PCDHA6: variants seen among roughly 807,000 people sequenced by gnomAD.
PCDHA6 encodes protocadherin alpha 6.
Under a neutral mutation model 60.3 loss-of-function variants are expected in PCDHA6, and 55 were observed. The observed-to-expected ratio is 0.91, with a 90% CI of 0.73 to 1.14. The LOEUF (loss-of-function observed/expected upper bound fraction) is 1.14, where lower values mean the gene tolerates loss of function less well. Ranked by LOEUF, PCDHA6 falls within the 50% of genes most tolerant of loss-of-function variation. PCDHA6 has a pLI of 0.00. For missense variants in PCDHA6, 1,327 were observed against 1,256.5 expected (o/e 1.06, Z -0.85); for synonymous variants, 652 against 557.9 (o/e 1.17, Z -2.38).
intron 1 of PCDHA6, chr5:140,969,232 C>A (rs138367129): frequency 1.9e-4 from 314 of 1,614,066 alleles, no homozygotes; most frequent in Non-Finnish European, 2.5e-4. Flanking sequence ...CTTCGGGAGC[C>A]CAAGCAGCAG....
chr5:140,856,981 C>T lies in PCDHA6; in HGVS notation c.2394+26496C>T, dbSNP rs1554149362. 1.2e-5 allele frequency: 19 copies of T among 1,594,810 alleles called. 1 individual carries two copies. Among genetic ancestry groups the T allele is most frequent in the Non-Finnish European group, 1.5e-5 (18 of 1,164,604 alleles). Reference sequence around the variant, plus strand: ...TAAATGATGCTATTGACTTTGAGGACAGTAACACTTATGAAATTCATGTAG... The same window carrying T: ...TAAATGATGCTATTGACTTTGAGGATAGTAACACTTATGAAATTCATGTAG... On this transcript the variant is annotated intron_variant, in intron 1 of 3. Transcript: ENST00000529310.
At chr5:140,966,463 TC>T in intron 1 of PCDHA6, 1 of 429,360 alleles carries the variant, frequency 2.3e-6, no homozygotes, top group Non-Finnish European at 4.0e-6. Flanking sequence ...CCCTCTGTCT[TC>T]CCTTCTGTTT....
At chr5:140,911,663 T>G (rs2075591717) in intron 1 of PCDHA6, among the ~76,000 whole-genome samples, 1 of 152,206 alleles carries the variant, frequency 6.6e-6, no homozygotes, top group Non-Finnish European at 1.5e-5. Context: ...CTAAACTCCT[T>G]GCCTCTCACG....
rs2150360894 is a variant in PCDHA6, at chr5:140,843,474, A to G, written c.2394+12989A>G. 2.5e-6 allele frequency: 4 copies of G among 1,595,796 alleles called. No homozygotes were observed. The East Asian group carries it at 6.7e-5, about 27-fold the overall frequency. ...CTGCTGGTGCTCACGCTGCTGCTGTACACTGCGCTGCGGTGCTCAGCACTG... is the reference window on the plus strand; with the variant it reads ...CTGCTGGTGCTCACGCTGCTGCTGTGCACTGCGCTGCGGTGCTCAGCACTG... On this transcript the variant is annotated intron_variant, in intron 1 of 3. Transcript: ENST00000529310.
chr5:140,855,841 TA>T, intron 1 of PCDHA6: 2 of 638,220 alleles, frequency 3.1e-6, no homozygotes, highest in Non-Finnish European at 2.6e-6. Context: ...TACTTACACC[TA>T]AAGCCACCGG....
chr5:140,868,899 C>T (rs2050726190), intron 1 of PCDHA6: 5 of 804,894 alleles, frequency 6.2e-6, no homozygotes, highest in Admixed American at 3.0e-5. Flanking sequence ...CGCAAGGTGT[C>T]GCTCTTTACT....
chr5:140,831,652 T>A (rs2150196590), intron 1 of PCDHA6, among the ~76,000 whole-genome samples: 1 of 151,500 alleles, frequency 6.6e-6, no homozygotes, highest in Non-Finnish European at 1.5e-5. Flanking sequence ...TGTGAGCCAC[T>A]ATGCTTGGCT....
chr5:140,838,447 G>A (rs2150289486), intron 1 of PCDHA6, among the ~76,000 whole-genome samples: 2 of 151,510 alleles, frequency 1.3e-5, no homozygotes, highest in South Asian at 4.2e-4. Flanking sequence ...GGGTTTTGTG[G>A]CATATTATTT....
chr5:140,882,451 G>T (rs2059142751), intron 1 of PCDHA6: 4 of 1,613,922 alleles, frequency 2.5e-6, no homozygotes, highest in African/African-American at 1.3e-5. Flanking sequence ...AGCTGGTGCC[G>T]CGCCTGTTCC....
chr5:140,833,851 C>G (rs148977790), intron 1 of PCDHA6, among the ~76,000 whole-genome samples: 4 of 152,118 alleles, frequency 2.6e-5, no homozygotes, highest in Admixed American at 2.6e-4. Flanking sequence ...TCTTAACAAG[C>G]GATACTGAAT....
At chr5:140,839,133 T>C (rs1776048029) in intron 1 of PCDHA6, among the ~76,000 whole-genome samples, 1 of 149,316 alleles carries the variant, frequency 6.7e-6, no homozygotes, top group Non-Finnish European at 1.5e-5. Context: ...GTCATTCACA[T>C]AAGCAGACCA....
intron 1 of PCDHA6, chr5:140,853,906 C>G: frequency 1.0e-6 from 1 of 955,174 alleles, no homozygotes; most frequent in Non-Finnish European, 1.3e-6. Flanking sequence ...GGTGGCCTGA[C>G]ACCTGCAATC....
intron 1 of PCDHA6, chr5:140,834,198 C>T (rs1449732320): frequency 8.4e-6 from 5 of 594,740 alleles, no homozygotes; most frequent in African/African-American, 3.7e-5. Flanking sequence ...CGCTCTTTAC[C>T]GCAAATTCTT....
chr5:140,834,926 C>T (rs2150229096), intron 1 of PCDHA6: 1 of 1,582,826 alleles, frequency 6.3e-7, no homozygotes, highest in African/African-American at 1.4e-5. Context: ...TCTTCCTGGA[C>T]GTGCCAACCA....
intron 1 of PCDHA6, chr5:140,836,379 C>T (rs2150259226): frequency 6.2e-7 from 1 of 1,613,734 alleles, no homozygotes; most frequent in Non-Finnish European, 8.5e-7. Context: ...AGCCACCGTG[C>T]TGGTGTCGCT....
intron 1 of PCDHA6, among the ~76,000 whole-genome samples, chr5:140,944,929 CT>C (rs2093712661): frequency 6.6e-6 from 1 of 152,052 alleles, no homozygotes; most frequent in Admixed American, 6.6e-5. Context: ...TGGTTTATGC[CT>C]TCTTTAGATG....
intron 3 of PCDHA6, among the ~76,000 whole-genome samples, chr5:141,000,395 C>CTATA (rs1190667031): frequency 1.7e-4 from 9 of 53,980 alleles, no homozygotes; most frequent in Admixed American, 6.3e-4. Flanking sequence ...CTCTCTCTCT[C>CTATA]TATATATATA....
chr5:140,971,843 G>T (rs1250084892), intron 1 of PCDHA6, among the ~76,000 whole-genome samples: 2 of 151,906 alleles, frequency 1.3e-5, no homozygotes, highest in Non-Finnish European at 2.9e-5. Flanking sequence ...TGCAAGTCAT[G>T]CGTTAAATAT....
chr5:140,834,721 C>T (rs2150224932), intron 1 of PCDHA6: 2 of 1,614,104 alleles, frequency 1.2e-6, no homozygotes, highest in African/African-American at 2.7e-5. Flanking sequence ...GTGGAAAGGC[C>T]GCTGCAGGTT....
Sources: gnomAD v4.1 joint callset for allele counts (sites outside exome capture counted in the v4.1 genomes callset) on GRCh38, gnomAD v4.1.1 for gene constraint, MANE v1.5 for transcripts, NCBI Gene and HGNC (gene_info 2026-07-23, HGNC 2026-07-21) for gene names.